Variants in FBXO9 observed in about 807,000 individuals in gnomAD.
The protein encoded by FBXO9 is F-box protein 9.
FBXO9 carries 43 observed loss-of-function variants against 63.7 expected under a neutral mutation model. The observed-to-expected ratio is 0.67, with a 90% CI of 0.53 to 0.87. The LOEUF (loss-of-function observed/expected upper bound fraction) is 0.87, where lower values mean the gene tolerates loss of function less well. Ranked by LOEUF, FBXO9 falls within the 40% of genes least tolerant of loss-of-function variation. The pLI is 0.00. For missense variants in FBXO9, 442 were observed against 533.2 expected (o/e 0.83, Z 1.68); for synonymous variants, 156 against 171.7 (o/e 0.91, Z 0.72).
intron 2 of FBXO9, 52 bp from the exon 3 acceptor site, chr6:53,073,429 A>G: frequency 6.6e-7 from 1 of 1,525,562 alleles, no homozygotes. Context: ...ACATTGTTCC[A>G]GAGTTGAGCT....
chr6:53,082,610 C>T lies in FBXO9; in HGVS notation c.645C>T (p.Ile215=). 1.9e-6 allele frequency: 3 copies of T among 1,610,940 alleles called. No homozygotes were observed. The highest frequency in any genetic ancestry group is 2.5e-6 in the Non-Finnish European group (3 of 1,177,948). Residue 215 remains isoleucine (I), a synonymous_variant, in exon 7 of 13, where the codon ATC becomes ATT. Transcript: ENST00000323557. ...CGCTGGTGTGCAGAGGATTCTACATCTGTGCCAGGTACTAAGTTTTTGTTT... is the reference window on the plus strand; with the variant it reads ...CGCTGGTGTGCAGAGGATTCTACATTTGTGCCAGGTACTAAGTTTTTGTTT... ...QLSLVCRGFY[I]CARDPEIWRL...
intron 7 of FBXO9, 61 bp downstream of exon 7, chr6:53,082,679 C>A: frequency 1.7e-6 from 2 of 1,186,094 alleles, no homozygotes; most frequent in South Asian, 2.7e-5. Flanking sequence ...GAAAGATGGT[C>A]CTTTGCCAAT....
At chr6:53,075,269 G>A (rs1309453910) in intron 3 of FBXO9, among the ~76,000 whole-genome samples, 1 of 151,498 alleles carries the variant, frequency 6.6e-6, no homozygotes, top group Non-Finnish European at 1.5e-5. Context: ...CCAAATAGCT[G>A]GGATTACAGG....
intron 10 of FBXO9, 79 bp downstream of exon 10, chr6:53,093,640 T>C (rs1265380925): frequency 9.5e-7 from 1 of 1,051,760 alleles, no homozygotes; most frequent in South Asian, 1.5e-5. Flanking sequence ...AATCCAGTGC[T>C]TCTTTCACTT....
rs2127499423 is a variant in FBXO9 at position 53,093,750 on chromosome 6, C to CT, written c.960-133dup. 4 of 870,046 alleles carry CT rather than the reference C, an allele frequency of 4.6e-6. No individual in the cohort carries two copies. The South Asian group carries it at 7.5e-5, about 16-fold the overall frequency. The allele number at this position is 870,046 out of a possible 1,614,324, so 53.9% of individuals were successfully genotyped here. Reference sequence around the variant, plus strand: ...ATCTACTTCAGCAGGTCTTTGGAGCCTTGGAATTGAGTTTTACTCAATCCT... The same window carrying CT: ...ATCTACTTCAGCAGGTCTTTGGAGCCTTTGGAATTGAGTTTTACTCAATCCT... On this transcript the variant is annotated intron_variant, in intron 10 of 12. Transcript: ENST00000323557.
intron 3 of FBXO9, among the ~76,000 whole-genome samples, chr6:53,075,988 C>T (rs1312972806): frequency 6.6e-6 from 1 of 151,910 alleles, no homozygotes. Flanking sequence ...AGGTGATCTG[C>T]CGACCTCAGC....
intron 10 of FBXO9, 53 bp downstream of exon 10, chr6:53,093,614 C>A: frequency 7.4e-7 from 1 of 1,347,944 alleles, no homozygotes; most frequent in Non-Finnish European, 1.1e-6. Flanking sequence ...TTATATGGTT[C>A]CTTGCAGGTT....
At chr6:53,093,070 G>C (rs558927617) in intron 9 of FBXO9, 3 of 415,282 alleles carry the variant, frequency 7.2e-6, no homozygotes, top group African/African-American at 6.2e-5. Flanking sequence ...TTTTCAAATA[G>C]CTTGTGCTTT....
chr6:53,065,778 C>A lies in FBXO9; in HGVS notation c.-12C>A. 2.2e-6 allele frequency: 3 copies of A among 1,389,204 alleles called. No individual in the cohort carries two copies. Among genetic ancestry groups the A allele is most frequent in the South Asian group, 3.1e-5 (2 of 65,362 alleles). 86.1% of individuals were successfully genotyped at this position (1,389,204 alleles called of 1,614,324 possible). On this transcript the variant is annotated 5_prime_UTR_variant, in exon 1 of 13. Transcript: ENST00000323557. ...GGAGAGCCCCTCGAGCGCAGCAGGC[C>A]GCCCCGCCAGCATGGTAACCTGGCC... is the stretch of plus-strand genomic sequence containing the variant.
intron 7 of FBXO9, among the ~76,000 whole-genome samples, chr6:53,083,986 G>A (rs922724227): frequency 1.3e-5 from 2 of 152,206 alleles, no homozygotes; most frequent in African/African-American, 2.4e-5. Context: ...AAGAAGGGAC[G>A]TCTGAAGGGA....
rs1562078579 is a variant in FBXO9, at chr6:53,099,099, C to G, written c.*1269C>G. 2 of 151,602 alleles carry G rather than the reference C, an allele frequency of 1.3e-5. No homozygotes were observed. Among genetic ancestry groups the G allele is most frequent in the African/African-American group, 2.4e-5 (1 of 41,274 alleles). 9.4% of individuals were successfully genotyped at this position (151,602 alleles called of 1,614,324 possible). On this transcript the variant is annotated 3_prime_UTR_variant, in exon 13 of 13. Coordinates refer to ENST00000323557, the MANE Select transcript of FBXO9 (RefSeq NM_033480.3). Reference sequence around the variant, plus strand: ...TATGGGATAGGCTTTTTAAAAAGCACATACAGACCAGGCGTGGTGGCTCAT... The same window carrying G: ...TATGGGATAGGCTTTTTAAAAAGCAGATACAGACCAGGCGTGGTGGCTCAT...
In FBXO9 at chr6:53,097,788, CA is replaced by C; in HGVS notation, c.1273del (p.Arg425GlufsTer2). 3 of 1,609,174 alleles carry C rather than the reference CA, an allele frequency of 1.9e-6. No individual in the cohort carries two copies. Among genetic ancestry groups the C allele is most frequent in the Non-Finnish European group, 2.5e-6 (3 of 1,177,556 alleles). ...DKMYTPLFFA[R>X]VRSYTAFSER... ...AGATGTACACCCCCTTGTTCTTCGCCAGAGTAAGGAGCTACACAGCTTTCTC... is the reference window on the plus strand; with the variant it reads ...AGATGTACACCCCCTTGTTCTTCGCCGAGTAAGGAGCTACACAGCTTTCTC... On this transcript the variant is annotated frameshift_variant, in exon 13 of 13. Transcript: ENST00000323557. LOFTEE classifies it high-confidence loss of function.
At position 53,092,713 on chromosome 6, in the gene FBXO9, T is replaced by G. The variant is rs748388814; in HGVS notation, c.773-21T>G. ...ATATCTGAATATTATAATTTTTAAC[T>G]TTTTAAAATTATTTTCATAGGCGTG... On this transcript the variant is annotated intron_variant, in intron 8 of 12. Coordinates refer to ENST00000323557, the MANE Select transcript of FBXO9 (RefSeq NM_033480.3). 5 of 1,558,938 alleles carry G rather than the reference T, an allele frequency of 3.2e-6. No homozygotes were observed. In the African/African-American group the frequency reaches 6.9e-5, roughly 21 times the overall value.
chr6:53,075,832 C>T (rs760937328), intron 3 of FBXO9, among the ~76,000 whole-genome samples: 45 of 146,574 alleles, frequency 3.1e-4, no homozygotes, highest in South Asian at 6.4e-4. Context: ...CAAGCTCTGC[C>T]TCCCAGGTTC....
Position 53,073,597 on chromosome 6 carries a change from G to C in FBXO9, c.207G>C (p.Ser69=), listed in dbSNP as rs375274718. 6.2e-7 allele frequency: 1 copy of C among 1,607,202 alleles called. No individual in the cohort carries two copies. Among genetic ancestry groups the C allele is most frequent in the Non-Finnish European group, 8.5e-7 (1 of 1,176,580 alleles). Residue 69 remains serine, a synonymous_variant, in exon 3 of 13, where the codon TCG becomes TCC. Transcript: ENST00000323557. Reference sequence around the variant, plus strand: ...CAAGAGGCTCTCTCCAGAAAACATCGGCAGATACCAAAGGAAAACAAGAAC... The same window carrying C: ...CAAGAGGCTCTCTCCAGAAAACATCCGCAGATACCAAAGGAAAACAAGAAC... The part of the protein sequence containing the change: ...RAARGSLQKT[S]ADTKGKQEQA...
At chr6:53,067,660 A>G (rs891131318) in intron 1 of FBXO9, among the ~76,000 whole-genome samples, 1 of 152,168 alleles carries the variant, frequency 6.6e-6, no homozygotes, top group African/African-American at 2.4e-5. Context: ...GTCCCCTCGC[A>G]TTACCTGTAC....
intron 3 of FBXO9, among the ~76,000 whole-genome samples, chr6:53,075,304 TTTTGTATTTTTACAAA>T (rs1451253455): frequency 6.6e-6 from 1 of 151,182 alleles, no homozygotes; most frequent in Non-Finnish European, 1.5e-5. Context: ...CTGGGCTAAT[TTTTGTATTTTTACAAA>T]TTTGTATTTT....
intron 11 of FBXO9, among the ~76,000 whole-genome samples, 185 bp downstream of exon 11, chr6:53,094,163 A>G (rs978166176): frequency 3.3e-5 from 5 of 152,156 alleles, no homozygotes; most frequent in African/African-American, 1.2e-4. Flanking sequence ...GTTATTTTTT[A>G]TTGGATCAGC....
At chr6:53,093,807 G>A (rs1763120098) in intron 10 of FBXO9, 78 bp from the exon 11 acceptor site, 2 of 1,140,248 alleles carry the variant, frequency 1.8e-6, no homozygotes, top group African/African-American at 3.2e-5. Flanking sequence ...AGTAAACACT[G>A]TTGTAATTTG....
Sources: allele counts gnomAD v4.1 joint callset (sites outside exome capture counted in the v4.1 genomes callset), GRCh38; gene constraint gnomAD v4.1.1; transcripts MANE v1.5; gene names NCBI Gene and HGNC (gene_info 2026-07-23, HGNC 2026-07-21).